The following UBE2R2 variants were observed in gnomAD, a reference collection of about 807,000 sequenced individuals.
UBE2R2 encodes the protein ubiquitin conjugating enzyme E2 R2.
A neutral mutation model predicts 27.8 loss-of-function variants in UBE2R2; 1 was observed. The observed-to-expected ratio is 0.04, with a 90% CI of 0.01 to 0.17. The LOEUF (loss-of-function observed/expected upper bound fraction) is 0.17, where lower values mean the gene tolerates loss of function less well. UBE2R2 is among the 10% of genes least tolerant of loss of function. The pLI is 1.00. For synonymous variants in UBE2R2, 106 were observed against 113.3 expected, an observed-to-expected ratio of 0.94 and a Z score of 0.41; for missense variants, 100 against 291.0, an observed-to-expected ratio of 0.34 and a Z score of 4.78.
chr9:33,908,710 T>G (rs139715410), intron 3 of UBE2R2, among the ~76,000 whole-genome samples: 48 of 152,358 alleles, frequency 3.2e-4, no homozygotes, highest in African/African-American at 1.1e-3. Context: ...ACACAAGATG[T>G]AAGAAAACCA....
chr9:33,861,096 C>G (rs1298819545), intron 1 of UBE2R2, among the ~76,000 whole-genome samples: 1 of 151,522 alleles, frequency 6.6e-6, no homozygotes, highest in South Asian at 2.1e-4. Flanking sequence ...GTACCTGGGA[C>G]TACAGGCGCC....
At chr9:33,876,864 C>T (rs1821615139) in intron 1 of UBE2R2, among the ~76,000 whole-genome samples, 3 of 151,454 alleles carry the variant, frequency 2.0e-5, no homozygotes, top group South Asian at 4.2e-4. Context: ...TGCAGTGAGC[C>T]GAGATCGTGC....
intron 1 of UBE2R2, among the ~76,000 whole-genome samples, chr9:33,846,996 C>CTT (rs35224386): frequency 5.2e-4 from 65 of 126,112 alleles, no homozygotes; most frequent in Middle Eastern, 8.7e-3. Context: ...CTTTATTTTG[C>CTT]TTTTTTTTTT....
At chr9:33,815,613 T>C (rs1825736793), upstream of UBE2R2, among the ~76,000 whole-genome samples, 1 of 152,134 alleles carries the variant, frequency 6.6e-6, no homozygotes, top group Admixed American at 6.5e-5. Flanking sequence ...GGCATGGCTG[T>C]GCACACCTGT....
chr9:33,829,370 T>C (rs1215860266), intron 1 of UBE2R2, among the ~76,000 whole-genome samples: 1 of 152,130 alleles, frequency 6.6e-6, no homozygotes, highest in Non-Finnish European at 1.5e-5. Flanking sequence ...TTTGGAGACA[T>C]TGGGTACTCA....
chr9:33,826,046 G>A (rs1820308968), intron 1 of UBE2R2, among the ~76,000 whole-genome samples: 1 of 152,034 alleles, frequency 6.6e-6, no homozygotes, highest in Non-Finnish European at 1.5e-5. Flanking sequence ...GGGAGGCTGA[G>A]GCAGGAGAAT....
At chr9:33,842,655 T>C (rs765998893) in intron 1 of UBE2R2, among the ~76,000 whole-genome samples, 1 of 152,182 alleles carries the variant, frequency 6.6e-6, no homozygotes, top group Non-Finnish European at 1.5e-5. Flanking sequence ...ATGATTTTCA[T>C]TGTGATATTT....
At chr9:33,911,402 CAAAAAAAAAAAA>C (rs60526576) in intron 3 of UBE2R2, among the ~76,000 whole-genome samples, 34 of 53,200 alleles carry the variant, frequency 6.4e-4, no homozygotes, top group African/African-American at 1.8e-3. Flanking sequence ...AACTCCATCT[CAAAAAAAAAAAA>C]AAAAAAAAAA....
intron 3 of UBE2R2, among the ~76,000 whole-genome samples, chr9:33,907,799 T>C (rs1354396793): frequency 6.6e-6 from 1 of 152,030 alleles, no homozygotes; most frequent in African/African-American, 2.4e-5. Flanking sequence ...AAAAATGAGC[T>C]AGCAGTTGAA....
intron 2 of UBE2R2, among the ~76,000 whole-genome samples, chr9:33,897,832 A>G (rs905095815): frequency 4.8e-5 from 7 of 145,710 alleles, no homozygotes; most frequent in African/African-American, 7.7e-5. Context: ...CTGGAGTGCA[A>G]TGGCACAATC....
chr9:33,848,740 T>G (rs1488921736), intron 1 of UBE2R2, among the ~76,000 whole-genome samples: 7 of 151,744 alleles, frequency 4.6e-5, no homozygotes, highest in Admixed American at 3.3e-4. Flanking sequence ...TAGCTGAGGT[T>G]GTTATAGGTG....
In UBE2R2 at chr9:33,917,354, C is replaced by G; in HGVS notation, c.*117C>G. On this transcript the variant is annotated 3_prime_UTR_variant, in exon 5 of 5. Coordinates refer to ENST00000263228, the MANE Select transcript of UBE2R2 (RefSeq NM_017811.4). ...CCTATTCACAGCGGGTGGGGAAACA[C>G]ACACAGCTCCTGCTGACTCCCCTTA... 6.8e-7 allele frequency: 1 copy of G among 1,480,004 alleles called. No individual in the cohort carries two copies. The highest frequency in any genetic ancestry group is 9.1e-7 in the Non-Finnish European group (1 of 1,102,356). The allele number at this position is 1,480,004 out of a possible 1,614,324, so 91.7% of individuals were successfully genotyped here.
At chr9:33,903,119 G>T (rs969050359) in intron 3 of UBE2R2, among the ~76,000 whole-genome samples, 6 of 152,006 alleles carry the variant, frequency 3.9e-5, no homozygotes, top group African/African-American at 1.5e-4. Flanking sequence ...AAAAGTCTGA[G>T]TTTTATGTAT....
intron 2 of UBE2R2, among the ~76,000 whole-genome samples, chr9:33,896,990 C>T (rs187824353): frequency 7.0e-6 from 1 of 142,678 alleles, no homozygotes; most frequent in Non-Finnish European, 1.5e-5. Flanking sequence ...ATATATATTA[C>T]GCTCTGAACC....
chr9:33,909,753 A>T (rs1822444362), intron 3 of UBE2R2, among the ~76,000 whole-genome samples: 2 of 152,030 alleles, frequency 1.3e-5, no homozygotes, highest in Non-Finnish European at 2.9e-5. Flanking sequence ...TACTGAAGAA[A>T]TCCAGAAAGC....
chr9:33,877,222 C>T (rs1022582436), intron 1 of UBE2R2, among the ~76,000 whole-genome samples: 7 of 149,658 alleles, frequency 4.7e-5, no homozygotes, highest in Non-Finnish European at 7.4e-5. Context: ...CACTCTGTTG[C>T]CCAGGCTAGA....
intron 1 of UBE2R2, among the ~76,000 whole-genome samples, chr9:33,871,569 G>C (rs113258697): frequency 6.6e-6 from 1 of 152,232 alleles, no homozygotes; most frequent in African/African-American, 2.4e-5. Context: ...TTCTATTTGC[G>C]ATGGACTAGA....
intron 1 of UBE2R2, among the ~76,000 whole-genome samples, chr9:33,849,203 G>A (rs1410875222): frequency 6.6e-6 from 1 of 152,078 alleles, no homozygotes; most frequent in Non-Finnish European, 1.5e-5. Context: ...GTTGCGGTGA[G>A]CCGAGATCTC....
chr9:33,913,419 C>T (rs1238770764), intron 4 of UBE2R2, among the ~76,000 whole-genome samples: 2 of 152,088 alleles, frequency 1.3e-5, no homozygotes, highest in African/African-American at 2.4e-5. Flanking sequence ...CCACCACACC[C>T]AGCTAATTTC....
Sources: allele counts gnomAD v4.1 joint callset (sites outside exome capture counted in the v4.1 genomes callset), GRCh38; gene constraint gnomAD v4.1.1; transcripts MANE v1.5; gene names NCBI Gene and HGNC (gene_info 2026-07-23, HGNC 2026-07-21).